ZNF782: variants seen among roughly 807,000 people sequenced by gnomAD.
ZNF782 encodes zinc finger protein 782.
In ZNF782, 12 loss-of-function variants were observed where a neutral mutation model predicts 13.0. The ratio of observed to expected loss-of-function variants is 0.92; its 90% CI spans 0.59 to 1.50. The LOEUF is 1.50. ZNF782 is among the 40% of genes most tolerant of loss of function. The pLI is 0.00. For missense variants in ZNF782, 770 were observed against 822.9 expected (o/e 0.94, Z 0.79); for synonymous variants, 284 against 283.0 (o/e 1.00, Z -0.04).
chr9:96,831,692 G>A (rs1333373499), intron 4 of ZNF782, among the ~76,000 whole-genome samples: 3 of 148,062 alleles, frequency 2.0e-5, no homozygotes, highest in Non-Finnish European at 3.0e-5. Flanking sequence ...CAGCCTGGAC[G>A]ACAGAGTGAG....
the ZNF782 span, among the ~76,000 whole-genome samples, chr9:96,905,117 T>A: frequency 1.4e-5 from 2 of 139,918 alleles, no homozygotes; most frequent in South Asian, 4.2e-4. Context: ...AAAATAAGGC[T>A]GAGACCTGCT....
intron 5 of ZNF782, among the ~76,000 whole-genome samples, 187 bp from the exon 6 acceptor site, chr9:96,819,965 G>C: frequency 6.6e-6 from 1 of 151,742 alleles, no homozygotes; most frequent in East Asian, 1.9e-4. Context: ...TTTTTTTGTA[G>C]TAGAAAAAGA....
chr9:96,830,127 G>A (rs1273427773), intron 4 of ZNF782, among the ~76,000 whole-genome samples: 1 of 152,192 alleles, frequency 6.6e-6, no homozygotes, highest in African/African-American at 2.4e-5. Context: ...TCAAGCCAGA[G>A]GTTCAGGAAA....
the ZNF782 span, among the ~76,000 whole-genome samples, chr9:96,915,274 C>T: frequency 3.3e-5 from 5 of 152,116 alleles, no homozygotes; most frequent in African/African-American, 2.4e-5. Flanking sequence ...ACTAGCAAAT[C>T]GTGCCTGCTC....
At chr9:96,886,147 C>T in the ZNF782 span, among the ~76,000 whole-genome samples, 1 of 151,450 alleles carries the variant, frequency 6.6e-6, no homozygotes, top group East Asian at 1.9e-4. Context: ...CACACCTGGC[C>T]CAACATTTTC....
Position 96,850,992 on chromosome 9 carries a change from T to C in ZNF782, c.15+955A>G, listed in dbSNP as rs187976357. ...GTGTTAAAGTATATTAGCACAAGGA[T>C]GGTAAAGCGGTGTGAAAATTATAAA... On this transcript the variant is annotated intron_variant, in intron 3 of 5. Coordinates refer to ENST00000481138, the MANE Select transcript of ZNF782 (RefSeq NM_001001662.3). This position sits in a 1 kb window ranked among gnomAD's most constrained non-coding sequence, Gnocchi z 4.3. Among the ~76,000 whole-genome samples the C allele has an allele frequency of 3.9e-5, 6 of 152,290 alleles. No individual in the cohort carries two copies.
chr9:96,889,665 T>C, the ZNF782 span: 1 of 152,242 alleles, frequency 6.6e-6, no homozygotes, highest in South Asian at 2.1e-4. Context: ...CCTCCCAAAG[T>C]GCTTGGATTA....
chr9:96,930,865 T>G, the ZNF782 span, among the ~76,000 whole-genome samples: 2 of 132,350 alleles, frequency 1.5e-5, no homozygotes, highest in African/African-American at 5.5e-5. Flanking sequence ...CGAGTTTCCA[T>G]CCAGTGGTTT....
chr9:96,889,599 C>A, the ZNF782 span: 1 of 152,196 alleles, frequency 6.6e-6, no homozygotes, highest in Admixed American at 6.5e-5. Context: ...CAGGGTTTCT[C>A]CACGTTGGTC....
intron 2 of ZNF782, 96 bp downstream of exon 2, chr9:96,852,754 TAAA>T (rs896850905): frequency 6.6e-6 from 1 of 152,668 alleles, no homozygotes; most frequent in Non-Finnish European, 1.5e-5. Context: ...GAAAGTCTTA[TAAA>T]AGAGATGAGA....
chr9:96,847,037 C>T (rs1372267145), intron 3 of ZNF782, among the ~76,000 whole-genome samples: 1 of 152,078 alleles, frequency 6.6e-6, no homozygotes, highest in African/African-American at 2.4e-5. Context: ...CTAAAAGGAA[C>T]CTTTAAAACT....
chr9:96,931,328 C>T, the ZNF782 span, among the ~76,000 whole-genome samples: 1 of 151,710 alleles, frequency 6.6e-6, no homozygotes, highest in African/African-American at 2.4e-5. Flanking sequence ...GAATGCCGAG[C>T]ACTGCCCTGG....
At chr9:96,879,738 T>C (rs1369810428), upstream of ZNF782, among the ~76,000 whole-genome samples, 1 of 152,244 alleles carries the variant, frequency 6.6e-6, no homozygotes, top group Non-Finnish European at 1.5e-5. Flanking sequence ...TTCGCTCTTT[T>C]GGAGCAATTG....
At chr9:96,831,034 G>A (rs560537512) in intron 4 of ZNF782, among the ~76,000 whole-genome samples, 5 of 152,078 alleles carry the variant, frequency 3.3e-5, no homozygotes, top group South Asian at 2.1e-4. Flanking sequence ...ACAGACTAAC[G>A]CCACAGGGAC....
chr9:96,880,881 G>T, the ZNF782 span, among the ~76,000 whole-genome samples: 158 of 152,154 alleles, frequency 1.0e-3, no homozygotes, highest in Admixed American at 2.3e-3. Context: ...TAAAAGTTTG[G>T]TATAATTACC....
intron 1 of ZNF782, among the ~76,000 whole-genome samples, chr9:96,874,989 G>T (rs1480812613): frequency 2.0e-5 from 3 of 152,162 alleles, no homozygotes; most frequent in Non-Finnish European, 4.4e-5. Context: ...ACAAGGTAAG[G>T]TTCTACCCAC....
chr9:96,819,616 C>T lies in ZNF782; in HGVS notation c.407G>A (p.Cys136Tyr). ...INIFRARMMP[C>Y]KCDIAGSACQ... ...AGCAGACCCCGCAATGTCACATTTA[C>T]AAGGCATCATTCTTGCACGAAAAAT... The change falls in exon 6 of 6, where the codon TGT becomes TAT. Residue 136 changes from cysteine to tyrosine, a missense_variant. Coordinates refer to ENST00000481138, the MANE Select transcript of ZNF782 (RefSeq NM_001001662.3). 1 of 1,614,108 alleles carries T rather than the reference C, an allele frequency of 6.2e-7. No individual in the cohort carries two copies. The highest frequency in any genetic ancestry group is 1.3e-5 in the African/African-American group (1 of 75,024).
upstream of ZNF782, among the ~76,000 whole-genome samples, chr9:96,877,439 C>A (rs1851907526): frequency 6.6e-6 from 1 of 152,250 alleles, no homozygotes; most frequent in African/African-American, 2.4e-5. Flanking sequence ...GGGGCGAAGC[C>A]GCCCCCGGAC....
the ZNF782 span, among the ~76,000 whole-genome samples, chr9:96,930,754 C>A: frequency 5.3e-5 from 8 of 150,386 alleles, no homozygotes; most frequent in African/African-American, 2.0e-4. Context: ...TGAATCTGAC[C>A]CCTATTTAAC....
Sources: gnomAD v4.1 joint callset for allele counts (sites outside exome capture counted in the v4.1 genomes callset) on GRCh38, gnomAD v4.1.1 for gene constraint, Gnocchi (gnomAD v3.1) non-coding constraint, MANE v1.5 for transcripts, NCBI Gene and HGNC (gene_info 2026-07-23, HGNC 2026-07-21) for gene names.